The following PRR5 variants were observed in gnomAD, a reference collection of about 807,000 sequenced individuals.
The protein encoded by PRR5 is proline-rich protein 5.
Under a neutral mutation model 30.6 loss-of-function variants are expected in PRR5, and 25 were observed. The observed-to-expected ratio is 0.82, with a 90% CI of 0.60 to 1.14. The LOEUF is 1.14. Among genes scored for constraint, PRR5 ranks in the 50% most tolerant of loss-of-function variants. The pLI is 0.00. For missense variants in PRR5, 600 were observed against 547.1 expected (o/e 1.10, Z -0.96); for synonymous variants, 286 against 247.1 (o/e 1.16, Z -1.48).
chr22:44,730,025 CGGGTG>C, intron 4 of PRR5: 1 of 985,432 alleles, frequency 1.0e-6, no homozygotes, highest in Non-Finnish European at 1.2e-6. Context: ...TTGGGCTACC[CGGGTG>C]GGCAGAGGGC....
intron 1 of PRR5, among the ~76,000 whole-genome samples, chr22:44,668,975 C>T (rs1419645503): frequency 6.7e-6 from 1 of 149,492 alleles, no homozygotes; most frequent in African/African-American, 2.5e-5. Flanking sequence ...ACGCCGACTG[C>T]GGGGCCCTAG....
chr22:44,731,720 A>G lies in PRR5; in HGVS notation c.323-10A>G. On this transcript the variant is annotated splice_polypyrimidine_tract_variant and intron_variant, in intron 4 of 7. Transcript: ENST00000336985. ...GTCAGGCCCAGTGGTGATGGCCCCC[A>G]TGCCCACAGGACAGAAGCTGCTGGA... The G allele has an allele frequency of 6.2e-7, 1 of 1,613,618 alleles. No individual in the cohort carries two copies. Among genetic ancestry groups the G allele is most frequent in the Non-Finnish European group, 8.5e-7 (1 of 1,179,936 alleles).
chr22:44,709,502 C>G (rs914501638), intron 1 of PRR5, among the ~76,000 whole-genome samples: 1 of 152,076 alleles, frequency 6.6e-6, no homozygotes, highest in African/African-American at 2.4e-5. Context: ...TCCCCCCGCC[C>G]GAGCCTCCAG....
At chr22:44,725,087 A>T (rs1930477736) in intron 2 of PRR5, among the ~76,000 whole-genome samples, 157 bp from the exon 3 acceptor site, 1 of 152,192 alleles carries the variant, frequency 6.6e-6, no homozygotes, top group Non-Finnish European at 1.5e-5. Context: ...CAGCCCCTGC[A>T]GGTCTGGACA....
intron 1 of PRR5, among the ~76,000 whole-genome samples, chr22:44,671,432 T>A (rs1923421186): frequency 6.6e-6 from 1 of 151,932 alleles, no homozygotes; most frequent in Non-Finnish European, 1.5e-5. Context: ...GGCTTGGAAG[T>A]CTGGTGAGCA....
upstream of PRR5, among the ~76,000 whole-genome samples, chr22:44,672,476 C>G (rs867672236): frequency 6.6e-6 from 1 of 152,014 alleles, no homozygotes; most frequent in Non-Finnish European, 1.5e-5. Flanking sequence ...CCCAGCTACT[C>G]GGGAGGCTGA....
intron 1 of PRR5, among the ~76,000 whole-genome samples, chr22:44,713,552 G>A (rs1202764131): frequency 6.6e-6 from 1 of 152,062 alleles, no homozygotes; most frequent in African/African-American, 2.4e-5. Flanking sequence ...TTTTTGTAGA[G>A]GCAGGGTCTC....
At chr22:44,730,794 A>AG (rs1338744923) in intron 4 of PRR5, 1 of 597,020 alleles carries the variant, frequency 1.7e-6, no homozygotes, top group African/African-American at 2.0e-5. Flanking sequence ...CCACAGGCAG[A>AG]GCTGGCCTGG....
intron 1 of PRR5, 112 bp from the exon 2 acceptor site, chr22:44,714,479 G>A (rs948657945): frequency 5.4e-5 from 79 of 1,455,880 alleles, no homozygotes; most frequent in Middle Eastern, 3.5e-4. Context: ...GGGTCCTGCA[G>A]GGATGGCTAT....
At chr22:44,697,286 CCTT>C (rs1293834942), upstream of PRR5, among the ~76,000 whole-genome samples, 1 of 152,202 alleles carries the variant, frequency 6.6e-6, no homozygotes, top group African/African-American at 2.4e-5. Flanking sequence ...TCAGGAACCT[CCTT>C]CTGCCGTGCG....
chr22:44,735,203 C>G lies in PRR5; in HGVS notation c.691+41C>G, dbSNP rs1039454473. 4 of 1,581,420 alleles carry G rather than the reference C, an allele frequency of 2.5e-6. No individual in the cohort carries two copies. The South Asian group carries it at 4.5e-5, about 18-fold the overall frequency. ...GGCCTTGGGCTGGGGCAGGGGTGAC[C>G]ACGGGCCCCATCCATTGTGAACAAA... On this transcript the variant is annotated intron_variant, in intron 7 of 7. Coordinates refer to ENST00000336985, the MANE Select transcript of PRR5 (RefSeq NM_181333.4).
At chr22:44,713,928 C>T (rs1421632775) in intron 1 of PRR5, among the ~76,000 whole-genome samples, 2 of 152,204 alleles carry the variant, frequency 1.3e-5, no homozygotes, top group African/African-American at 2.4e-5. Context: ...CTCAGCCTCC[C>T]GAGCAGCTGG....
chr22:44,703,424 G>C (rs1259769582), intron 1 of PRR5, among the ~76,000 whole-genome samples: 1 of 152,130 alleles, frequency 6.6e-6, no homozygotes, highest in Non-Finnish European at 1.5e-5. Context: ...ATGCTCCACC[G>C]GCTGTGGTCT....
intron 1 of PRR5, among the ~76,000 whole-genome samples, chr22:44,710,660 C>T (rs568454090): frequency 6.6e-6 from 1 of 152,286 alleles, no homozygotes; most frequent in South Asian, 2.1e-4. Context: ...CACCCTTAGC[C>T]TACCTTCTCC....
At chr22:44,730,669 G>A (rs751035871) in intron 4 of PRR5, 1 of 1,037,440 alleles carries the variant, frequency 9.6e-7, no homozygotes, top group African/African-American at 1.7e-5. Context: ...AGCTCCTATA[G>A]CCAGCTTGGA....
chr22:44,715,028 C>T (rs763725010), intron 2 of PRR5, among the ~76,000 whole-genome samples: 1 of 152,228 alleles, frequency 6.6e-6, no homozygotes, highest in African/African-American at 2.4e-5. Flanking sequence ...GATATTTATT[C>T]TGTTAAAGAG....
At chr22:44,736,457 G>A (rs1458500076) in intron 7 of PRR5, among the ~76,000 whole-genome samples, 2 of 151,924 alleles carry the variant, frequency 1.3e-5, no homozygotes, top group South Asian at 2.1e-4. Flanking sequence ...ACTTCCACAA[G>A]TGGGGAAACT....
chr22:44,698,814 C>T (rs376375186), upstream of PRR5, among the ~76,000 whole-genome samples: 8 of 152,366 alleles, frequency 5.3e-5, no homozygotes, highest in African/African-American at 1.9e-4. Flanking sequence ...GCAGGCCACA[C>T]AGAGCACACT....
chr22:44,682,689 C>T (rs1924402995), intron 1 of PRR5, among the ~76,000 whole-genome samples: 1 of 152,232 alleles, frequency 6.6e-6, no homozygotes, highest in Non-Finnish European at 1.5e-5. Flanking sequence ...GCAGATGGCT[C>T]TCTCGACACG....
Sources: gnomAD v4.1 joint callset for allele counts (sites outside exome capture counted in the v4.1 genomes callset) on GRCh38, gnomAD v4.1.1 for gene constraint, MANE v1.5 for transcripts, NCBI Gene and HGNC (gene_info 2026-07-23, HGNC 2026-07-21) for gene names.